GUCY2C: variants seen among roughly 807,000 people sequenced by gnomAD.
GUCY2C encodes the protein guanylyl cyclase C.
In GUCY2C, 118 loss-of-function variants were observed where a neutral mutation model predicts 131.1. The ratio of observed to expected loss-of-function variants is 0.90; its 90% CI spans 0.78 to 1.05. GUCY2C has a LOEUF of 1.05. GUCY2C is among the 50% of genes least tolerant of loss of function. GUCY2C has a pLI of 0.00. For missense variants in GUCY2C, 1,161 were observed against 1,304.4 expected (o/e 0.89, Z 1.69); for synonymous variants, 452 against 457.8 (o/e 0.99, Z 0.16).
At chr12:14,655,691 G>A (rs939451565) in intron 12 of GUCY2C, among the ~76,000 whole-genome samples, 1 of 152,066 alleles carries the variant, frequency 6.6e-6, no homozygotes, top group Admixed American at 6.6e-5. Context: ...CTCTTAATAC[G>A]CTTTGGTATA....
At chr12:14,650,435 A>T (rs1947624425) in intron 15 of GUCY2C, among the ~76,000 whole-genome samples, 1 of 152,116 alleles carries the variant, frequency 6.6e-6, no homozygotes, top group Admixed American at 6.6e-5. Context: ...TTTAGTAGAG[A>T]TGGGGTTTCA....
chr12:14,649,229 G>T (rs546385725), intron 15 of GUCY2C, among the ~76,000 whole-genome samples: 4 of 152,152 alleles, frequency 2.6e-5, no homozygotes, highest in African/African-American at 9.6e-5. Flanking sequence ...CCACCACCCA[G>T]TAAAAACAGG....
intron 10 of GUCY2C, among the ~76,000 whole-genome samples, chr12:14,669,105 G>A (rs1274388906): frequency 6.6e-6 from 1 of 151,930 alleles, no homozygotes; most frequent in Non-Finnish European, 1.5e-5. Flanking sequence ...TGTCAAACCC[G>A]GTTTTCTGTG....
At chr12:14,639,672 G>A (rs930064904) in intron 19 of GUCY2C, among the ~76,000 whole-genome samples, 190 bp downstream of exon 19, 2 of 152,210 alleles carry the variant, frequency 1.3e-5, no homozygotes, top group Non-Finnish European at 2.9e-5. Context: ...GCCATCAGAA[G>A]CTTCTGGAAG....
rs11056091 is a variant in GUCY2C, at chr12:14,675,461, G to C, written c.949-701C>G. Among the ~76,000 whole-genome samples the C allele has an allele frequency of 9.9e-4, 151 of 152,146 alleles. 2 individuals are homozygous for C. The East Asian group carries it at 0.015, about 15-fold the overall frequency. On this transcript the variant is annotated intron_variant, in intron 7 of 26. Coordinates refer to ENST00000261170, the MANE Select transcript of GUCY2C (RefSeq NM_004963.4). ...ATAGAAATAATGTTAGTTTCTAGTT[G>C]ATTGTTTTTATTAAAGTGCAAAAGA...
At chr12:14,645,365 T>C in intron 15 of GUCY2C, 50 bp from the exon 16 acceptor site, 1 of 872,020 alleles carries the variant, frequency 1.1e-6, no homozygotes, top group Non-Finnish European at 1.9e-6. Flanking sequence ...GAAAGGATAT[T>C]GTGGAGAGAC....
chr12:14,660,878 T>C, intron 11 of GUCY2C, 103 bp downstream of exon 11: 2 of 768,344 alleles, frequency 2.6e-6, no homozygotes, highest in Non-Finnish European at 4.6e-6. Flanking sequence ...GTCTGCAGGC[T>C]TCTTTGTGAA....
chr12:14,657,992 CT>C (rs1375720928), intron 11 of GUCY2C, among the ~76,000 whole-genome samples: 3 of 151,920 alleles, frequency 2.0e-5, no homozygotes, highest in African/African-American at 7.3e-5. Flanking sequence ...TTTTTTTAAC[CT>C]TTATGATGAA....
chr12:14,624,808 A>G (rs1946973271), intron 21 of GUCY2C, among the ~76,000 whole-genome samples: 1 of 152,252 alleles, frequency 6.6e-6, no homozygotes, highest in South Asian at 2.1e-4. Flanking sequence ...AGGCTAGGAA[A>G]AAAGCTGAAA....
intron 2 of GUCY2C, 71 bp from the exon 3 acceptor site, chr12:14,686,296 A>G: frequency 9.1e-7 from 1 of 1,098,382 alleles, no homozygotes; most frequent in Non-Finnish European, 1.4e-6. Context: ...AAGAAGTAGC[A>G]AGGGGAAGGC....
In GUCY2C at chr12:14,681,441, GA is replaced by G; in HGVS notation, c.647del (p.Phe216SerfsTer11). The G allele has an allele frequency of 3.7e-6, 6 of 1,612,286 alleles. No individual in the cohort carries two copies. Among genetic ancestry groups the G allele is most frequent in the Non-Finnish European group, 5.1e-6 (6 of 1,178,454 alleles). On this transcript the variant is annotated frameshift_variant, in exon 5 of 27. Transcript: ENST00000261170. LOFTEE classifies it high-confidence loss of function. Reference protein sequence around the residue: ...LNALEASVSYFSHELGFKVVL... With the variant: ...LNALEASVSYXSHELGFKVVL... ...CCACCTTAAAGCCGAGTTCGTGGGA[GA>G]AATAGGAAACGCTAGCCTCCAGAGC...
intron 19 of GUCY2C, among the ~76,000 whole-genome samples, chr12:14,631,229 A>T (rs11056068): frequency 9.2e-4 from 140 of 152,046 alleles, no homozygotes; most frequent in Non-Finnish European, 1.1e-3. Flanking sequence ...CTTTTTTAAA[A>T]TTTTTTTTAT....
intron 12 of GUCY2C, among the ~76,000 whole-genome samples, chr12:14,655,062 T>G (rs1235696732): frequency 6.6e-6 from 1 of 152,194 alleles, no homozygotes; most frequent in Non-Finnish European, 1.5e-5. Context: ...AATCAAGTTA[T>G]TTGTGTACTT....
intron 19 of GUCY2C, among the ~76,000 whole-genome samples, chr12:14,635,017 T>C (rs947616901): frequency 2.0e-5 from 3 of 152,186 alleles, no homozygotes; most frequent in African/African-American, 7.2e-5. Context: ...CTAATAATAG[T>C]TGGGGACTTC....
intron 15 of GUCY2C, among the ~76,000 whole-genome samples, chr12:14,645,845 T>G (rs1409385502): frequency 8.5e-5 from 13 of 152,084 alleles, no homozygotes; most frequent in African/African-American, 3.1e-4. Flanking sequence ...TTTGTTTTGT[T>G]TTGTTTTTGA....
intron 15 of GUCY2C, among the ~76,000 whole-genome samples, chr12:14,646,785 T>C (rs949393689): frequency 6.6e-6 from 1 of 152,212 alleles, no homozygotes; most frequent in African/African-American, 2.4e-5. Flanking sequence ...TCTTTAAAAT[T>C]ATTGAGTCTT....
intron 20 of GUCY2C, among the ~76,000 whole-genome samples, chr12:14,627,210 A>G (rs2136992750): frequency 6.6e-6 from 1 of 152,326 alleles, no homozygotes; most frequent in Non-Finnish European, 1.5e-5. Context: ...TTTTACTATT[A>G]CAAGAATAAC....
intron 6 of GUCY2C, among the ~76,000 whole-genome samples, chr12:14,677,910 A>G (rs1948273265): frequency 6.6e-6 from 1 of 151,870 alleles, no homozygotes; most frequent in South Asian, 2.1e-4. Flanking sequence ...GCTTCCTATT[A>G]TTTGGAGATT....
At position 14,613,321 on chromosome 12, in the gene GUCY2C, ACTT is replaced by A. The variant is rs1351591289; in HGVS notation, c.3048-33_3048-31del. The stretch of plus-strand genomic sequence containing the variant: ...AAACAGAGTGGGAAGAGAAAATAGA[ACTT>A]CTCAGCAATTCATACAGAATATTCC... On this transcript the variant is annotated intron_variant, in intron 26 of 26. Coordinates refer to ENST00000261170, the MANE Select transcript of GUCY2C (RefSeq NM_004963.4). The surrounding 1 kb of genome is among the most constrained non-coding windows in gnomAD (Gnocchi z 4.9). The A allele has an allele frequency of 1.9e-6, 3 of 1,552,172 alleles. No individual in the cohort carries two copies. In the Admixed American group the frequency reaches 5.0e-5, roughly 26 times the overall value.
Sources: gnomAD v4.1 joint callset for allele counts (sites outside exome capture counted in the v4.1 genomes callset) on GRCh38, gnomAD v4.1.1 for gene constraint, Gnocchi (gnomAD v3.1) non-coding constraint, MANE v1.5 for transcripts, NCBI Gene and HGNC (gene_info 2026-07-23, HGNC 2026-07-21) for gene names.